Variants in CHD9 observed in about 807,000 individuals in gnomAD.
The protein encoded by CHD9 is ATP-dependent chromatin remodeler CHD9.
A neutral mutation model predicts 316.1 loss-of-function variants in CHD9; 77 were observed. The observed-to-expected ratio is 0.24, with a 90% CI of 0.20 to 0.29. CHD9 has a LOEUF of 0.29. Ranked by LOEUF, CHD9 falls within the 10% of genes least tolerant of loss-of-function variation. The pLI is 1.00. For synonymous variants in CHD9, 1,129 were observed against 1,158.3 expected, an observed-to-expected ratio of 0.97 and a Z score of 0.51; for missense variants, 2,763 against 3,438.1, an observed-to-expected ratio of 0.80 and a Z score of 4.91.
intron 3 of CHD9, among the ~76,000 whole-genome samples, chr16:53,218,536 C>T (rs1180074137): frequency 6.6e-6 from 1 of 152,094 alleles, no homozygotes; most frequent in Non-Finnish European, 1.5e-5. Context: ...AGAGAATCTT[C>T]ATTTAATCAT....
rs115939234 is a variant in CHD9, at chr16:53,165,523, A to G, written c.1452+7982A>G. ...TAGAATGCTCTGTTAGAACAAGATG[A>G]AAATAATTTTAAAGGGAGGTCTCAT... On this transcript the variant is annotated intron_variant, in intron 2 of 38. Transcript: ENST00000447540. 4.0e-3 allele frequency among the ~76,000 whole-genome samples: 608 copies of G among 152,322 alleles called. 4 individuals are homozygous for G. Among genetic ancestry groups the G allele is most frequent in the African/African-American group, 0.014 (582 of 41,566 alleles).
At chr16:53,210,963 G>GT (rs2046288209) in intron 3 of CHD9, among the ~76,000 whole-genome samples, 2 of 151,786 alleles carry the variant, frequency 1.3e-5, no homozygotes, top group South Asian at 2.1e-4. Context: ...TTCTTTTATT[G>GT]TTTTTTTAGA....
rs2056214555 is a variant in CHD9 at position 53,308,795 on chromosome 16, A to G, written c.7163A>G (p.Glu2388Gly). ...CAGCAGTACCTCACTCGGCTTCGAG[A>G]GCTTCAAAGTGCATCAGAGACCAGC... ...GQQQYLTRLR[E>G]LQSASETSLV... The change falls in exon 34 of 39, where the codon GAG becomes GGG. Residue 2388 changes from glutamate to glycine, a missense_variant. Glu to Gly is a moderately conservative substitution (Grantham distance 98). Transcript: ENST00000447540. 6.2e-7 allele frequency: 1 copy of G among 1,613,702 alleles called. No homozygotes were observed. The highest frequency in any genetic ancestry group is 8.5e-7 in the Non-Finnish European group (1 of 1,179,826).
chr16:53,156,936 CCAAA>C lies in CHD9; in HGVS notation c.850_853del (p.Asn284ValfsTer42). 4 of 1,613,510 alleles carry C rather than the reference CCAAA, an allele frequency of 2.5e-6. No homozygotes were observed. Among genetic ancestry groups the C allele is most frequent in the Non-Finnish European group, 3.4e-6 (4 of 1,179,594 alleles). ...TTCCTTTTCCAGTAATCATATATCA[CCAAA>C]CAGTCTACTTCAGTCCTCTGCAGTT... On this transcript the variant is annotated frameshift_variant, in exon 2 of 39. Transcript: ENST00000447540. LOFTEE classifies it high-confidence loss of function.
chr16:53,260,216 C>G (rs138952066), intron 19 of CHD9, among the ~76,000 whole-genome samples: 23 of 152,132 alleles, frequency 1.5e-4, no homozygotes, highest in Non-Finnish European at 2.9e-5. Flanking sequence ...TGGTGGCACA[C>G]GCCTCTAATT....
At position 53,304,289 on chromosome 16, in the gene CHD9, G is replaced by T; in HGVS notation, c.6283G>T (p.Gly2095Cys). 6.2e-7 allele frequency: 1 copy of T among 1,611,536 alleles called. No homozygotes were observed. Among genetic ancestry groups the T allele is most frequent in the Middle Eastern group, 1.7e-4 (1 of 6,060 alleles). Residue 2095 changes from glycine to cysteine, a missense_variant, in exon 31 of 39, where the codon GGT (glycine) becomes TGT (cysteine). By Grantham distance (159) the Gly-to-Cys change is radical (BLOSUM62 -3). Coordinates refer to ENST00000447540, the MANE Select transcript of CHD9 (RefSeq NM_001308319.2). ...LPQATGDQKSGGKCETDRRMV... is the reference protein window; with the variant it reads ...LPQATGDQKSCGKCETDRRMV... ...ACAGGCTACTGGAGACCAGAAATCT[G>T]GTGGAAAATGTGAAACAGACAGACG...
Position 53,314,382 on chromosome 16 carries a change from TC to T in CHD9, c.7230del (p.Ile2411PhefsTer10). The T allele has an allele frequency of 6.4e-7, 1 of 1,564,476 alleles. No individual in the cohort carries two copies. The highest frequency in any genetic ancestry group is 8.6e-7 in the Non-Finnish European group (1 of 1,157,088). ...TGCATTTTTAATTCAATTAGGTACT[TC>T]CATTCAACCAACCCTTGGTGCCAAT... ...FPKSIPVSGTSIQPTLGANGV... is the reference protein window; with the variant it reads ...FPKSIPVSGTXIQPTLGANGV... On this transcript the variant is annotated frameshift_variant, in exon 35 of 39. Transcript: ENST00000447540. LOFTEE classifies it high-confidence loss of function.
intron 1 of CHD9, among the ~76,000 whole-genome samples, chr16:53,078,924 A>C (rs1567312232): frequency 6.6e-6 from 1 of 152,164 alleles, no homozygotes; most frequent in African/African-American, 2.4e-5. Context: ...GCATCACCAG[A>C]GTTATCTGCT....
rs570221777 is a variant in CHD9 at position 53,100,127 on chromosome 16, G to C, written c.-165+45050G>C. On this transcript the variant is annotated intron_variant, in intron 1 of 38. Coordinates refer to ENST00000447540, the MANE Select transcript of CHD9 (RefSeq NM_001308319.2). ...GTGATACTGCAGCCCACGGGGAGAG[G>C]TGAGGAATTGTGCAAATAATGGGAT... Among the ~76,000 whole-genome samples the C allele has an allele frequency of 5.9e-5, 9 of 152,346 alleles. No homozygotes were observed. The South Asian group carries it at 1.2e-3, about 21-fold the overall frequency.
chr16:53,232,139 A>G (rs1478555516), intron 10 of CHD9, among the ~76,000 whole-genome samples: 1 of 152,142 alleles, frequency 6.6e-6, no homozygotes, highest in Non-Finnish European at 1.5e-5. Flanking sequence ...TTTTCCAGTA[A>G]TGTCCGTAGG....
chr16:53,056,872 A>AT (rs1051022728), intron 1 of CHD9, among the ~76,000 whole-genome samples: 3 of 152,188 alleles, frequency 2.0e-5, no homozygotes, highest in African/African-American at 7.2e-5. Flanking sequence ...CAAGTTCTAA[A>AT]TTTGCAAATT....
At chr16:53,293,509 G>A (rs113005660) in intron 29 of CHD9, among the ~76,000 whole-genome samples, 4,986 of 151,870 alleles carry the variant, frequency 0.033, 102 homozygotes, top group Middle Eastern at 0.072. Flanking sequence ...CCAGCCACTC[G>A]GGAGACTAAA....
At chr16:53,296,873 T>C (rs2054858662) in intron 29 of CHD9, 83 bp from the exon 30 acceptor site, 1 of 886,168 alleles carries the variant, frequency 1.1e-6, no homozygotes, top group African/African-American at 1.7e-5. Context: ...ATGTTTTAAG[T>C]TTGTATTATA....
At position 53,196,064 on chromosome 16, in the gene CHD9, T is replaced by C. The variant is rs1597383142; in HGVS notation, c.1453-13418T>C. Among the ~76,000 whole-genome samples the C allele has an allele frequency of 4.6e-5, 7 of 152,276 alleles. No individual in the cohort carries two copies. In the South Asian group the frequency reaches 1.4e-3, roughly 32 times the overall value. ...TGACCCACTGTGCCCAGCCTCCGTA[T>C]ATCCTTAATTCAGTTTCCCACAAGG... On this transcript the variant is annotated intron_variant, in intron 2 of 38. Coordinates refer to ENST00000447540, the MANE Select transcript of CHD9 (RefSeq NM_001308319.2).
intron 12 of CHD9, among the ~76,000 whole-genome samples, chr16:53,241,430 T>A (rs2049083352): frequency 6.6e-6 from 1 of 152,234 alleles, no homozygotes. Flanking sequence ...TTGAATACCA[T>A]CTGTACTGCT....
At chr16:53,203,057 T>C (rs1443208168) in intron 2 of CHD9, among the ~76,000 whole-genome samples, 2 of 152,152 alleles carry the variant, frequency 1.3e-5, no homozygotes, top group Non-Finnish European at 2.9e-5. Context: ...ATGCATTAAA[T>C]AAAAATCAAA....
chr16:53,191,837 T>G (rs1436950849), intron 2 of CHD9, among the ~76,000 whole-genome samples: 1 of 152,154 alleles, frequency 6.6e-6, no homozygotes, highest in Non-Finnish European at 1.5e-5. Context: ...GTGTAACAAA[T>G]TGTGACCTTT....
chr16:53,254,651 A>G, intron 18 of CHD9, 46 bp downstream of exon 18: 1 of 1,529,626 alleles, frequency 6.5e-7, no homozygotes, highest in South Asian at 1.3e-5. Context: ...GTGTTTTTGC[A>G]TTTGATTTTA....
intron 2 of CHD9, among the ~76,000 whole-genome samples, chr16:53,170,049 G>GT (rs1402669050): frequency 0.052 from 6,682 of 127,578 alleles, 414 homozygotes; most frequent in African/African-American, 0.17. Flanking sequence ...GTTTTTTTTT[G>GT]TTTTTTTTTG....
Sources: gnomAD v4.1 joint callset for allele counts (sites outside exome capture counted in the v4.1 genomes callset) on GRCh38, gnomAD v4.1.1 for gene constraint, MANE v1.5 for transcripts, NCBI Gene and HGNC (gene_info 2026-07-23, HGNC 2026-07-21) for gene names.